Variants in IL1RAP observed in about 807,000 individuals in gnomAD.
IL1RAP encodes the protein interleukin 1 receptor accessory protein, also known as interleukin-1 receptor accessory protein.
IL1RAP carries 35 observed loss-of-function variants against 60.7 expected under a neutral mutation model. The observed-to-expected ratio is 0.58, with a 90% confidence interval of 0.44 to 0.76. The LOEUF is 0.76. Among genes scored for constraint, IL1RAP ranks in the 30% least tolerant of loss-of-function variants. The pLI is 0.00. For missense variants in IL1RAP, 572 were observed against 693.9 expected, an observed-to-expected ratio of 0.82 and a Z score of 1.97; for synonymous variants, 268 against 250.9, an observed-to-expected ratio of 1.07 and a Z score of -0.64.
At chr3:190,656,211 T>C (rs1475205730), downstream of IL1RAP, 1 of 1,537,100 alleles carries the variant, frequency 6.5e-7, no homozygotes, top group Non-Finnish European at 8.7e-7. Flanking sequence ...CTGGCTGGAA[T>C]GAGAGCTGCT....
At chr3:190,526,616 T>C (rs1722533690) in intron 1 of IL1RAP, among the ~76,000 whole-genome samples, 1 of 152,208 alleles carries the variant, frequency 6.6e-6, no homozygotes, top group South Asian at 2.1e-4. Flanking sequence ...TCTTTCTTCA[T>C]CTATGTTGTT....
chr3:190,564,304 G>A lies in IL1RAP; in HGVS notation c.15G>A (p.Trp5Ter). Residue 5 changes from tryptophan to a stop codon, truncating the protein, a stop_gained, in exon 3 of 12, where the codon TGG becomes TGA. Coordinates refer to ENST00000447382, the MANE Select transcript of IL1RAP (RefSeq NM_002182.4). LOFTEE classifies it high-confidence loss of function. MTLL[W>*]CVVSLYFYGI... ...ATGGTTACAGGATGACACTTCTGTG[G>A]TGTGTAGTGAGTCTCTACTTTTATG... The A allele has an allele frequency of 6.2e-7, 1 of 1,610,178 alleles. No homozygotes were observed. Among genetic ancestry groups the A allele is most frequent in the Non-Finnish European group, 8.5e-7 (1 of 1,176,572 alleles).
At chr3:190,618,243 T>C (rs1731451989) in intron 5 of IL1RAP, among the ~76,000 whole-genome samples, 1 of 152,232 alleles carries the variant, frequency 6.6e-6, no homozygotes, top group South Asian at 2.1e-4. Context: ...GGTATGACAT[T>C]GACAGTTACT....
chr3:190,521,178 A>G (rs981595160), intron 1 of IL1RAP, among the ~76,000 whole-genome samples: 15 of 152,204 alleles, frequency 9.9e-5, no homozygotes, highest in African/African-American at 2.7e-4. Context: ...TTGCATGCCC[A>G]GATGGATACT....
Position 190,567,084 on chromosome 3 carries a change from A to C in IL1RAP, c.64+2731A>C, listed in dbSNP as rs577544476. On this transcript the variant is annotated intron_variant, in intron 3 of 11. Transcript: ENST00000447382. The stretch of plus-strand genomic sequence containing the variant: ...TTTAAGAGAATCCTCAAATATAAAA[A>C]AGAAACCATAAAAGCATAAGAACTT... Among the ~76,000 whole-genome samples the C allele has an allele frequency of 1.6e-4, 25 of 152,352 alleles. 1 individual carries two copies. In the South Asian group the frequency reaches 2.3e-3, roughly 14 times the overall value.
chr3:190,638,076 G>A (rs1213459285), intron 9 of IL1RAP, among the ~76,000 whole-genome samples: 2 of 151,816 alleles, frequency 1.3e-5, no homozygotes, highest in Non-Finnish European at 2.9e-5. Context: ...ATCAGTTTTG[G>A]GGTCTTTTGA....
chr3:190,653,633 A>C (rs772761352), downstream of IL1RAP, among the ~76,000 whole-genome samples: 1 of 152,184 alleles, frequency 6.6e-6, no homozygotes, highest in Non-Finnish European at 1.5e-5. Flanking sequence ...TTTTACAGGC[A>C]AGAGTATTCT....
chr3:190,630,048 C>T, intron 9 of IL1RAP: 1 of 796,434 alleles, frequency 1.3e-6, no homozygotes, highest in East Asian at 1.3e-4. Context: ...TTGTATGCAA[C>T]TAATTAAGGT....
chr3:190,571,452 G>C (rs1038985252), intron 3 of IL1RAP, among the ~76,000 whole-genome samples: 1 of 152,068 alleles, frequency 6.6e-6, no homozygotes, highest in Non-Finnish European at 1.5e-5. Context: ...GCCGGTAAAG[G>C]CTAAAATGAG....
intron 10 of IL1RAP, among the ~76,000 whole-genome samples, chr3:190,645,418 T>C (rs1404524155): frequency 1.3e-5 from 2 of 152,202 alleles, no homozygotes; most frequent in Non-Finnish European, 2.9e-5. Flanking sequence ...GTACCTATGA[T>C]TTACCTTCTG....
At chr3:190,564,447 T>C in intron 3 of IL1RAP, 94 bp downstream of exon 3, 1 of 812,370 alleles carries the variant, frequency 1.2e-6, no homozygotes, top group Non-Finnish European at 2.2e-6. Flanking sequence ...ATAAACATAA[T>C]GTTATTCATG....
At chr3:190,580,741 A>C (rs1245864098) in intron 3 of IL1RAP, among the ~76,000 whole-genome samples, 2 of 152,204 alleles carry the variant, frequency 1.3e-5, no homozygotes, top group Non-Finnish European at 2.9e-5. Flanking sequence ...GCCTATGGTT[A>C]ACAATTCTGT....
chr3:190,564,159 A>C, intron 2 of IL1RAP, 130 bp from the exon 3 acceptor site: 2 of 623,774 alleles, frequency 3.2e-6, no homozygotes, highest in Non-Finnish European at 5.9e-6. Flanking sequence ...TGACAATGAA[A>C]TTTGTTAATA....
At chr3:190,656,873 A>G (rs1577841810) in exon 12 of IL1RAP, 1 of 350,286 alleles carries the variant, frequency 2.9e-6, no homozygotes. Flanking sequence ...CTGATCCTCT[A>G]TCTTGTCCAA....
chr3:190,559,828 T>C (rs1176533298), intron 2 of IL1RAP, among the ~76,000 whole-genome samples: 2 of 152,212 alleles, frequency 1.3e-5, no homozygotes, highest in Non-Finnish European at 2.9e-5. Context: ...AAGAATGCCT[T>C]ATTTTTTACT....
rs778709553 is a variant in IL1RAP at position 190,620,461 on chromosome 3, G to A, written c.703+21G>A. 3.1e-6 allele frequency: 5 copies of A among 1,588,404 alleles called. No homozygotes were observed. The South Asian group carries it at 5.7e-5, about 18-fold the overall frequency. On this transcript the variant is annotated intron_variant, in intron 6 of 11. Transcript: ENST00000447382. ...AGTAGGTAAGCATGATTAGTGTCCA[G>A]TACACACAACAAGCATGTGATCATC... is the stretch of plus-strand genomic sequence containing the variant.
chr3:190,549,237 T>G (rs1373086034), intron 1 of IL1RAP, among the ~76,000 whole-genome samples: 1 of 152,174 alleles, frequency 6.6e-6, no homozygotes, highest in Non-Finnish European at 1.5e-5. Flanking sequence ...TGTGAACCTC[T>G]GTAGCTCCAC....
intron 1 of IL1RAP, among the ~76,000 whole-genome samples, chr3:190,553,002 A>C (rs1485159107): frequency 1.3e-5 from 2 of 152,242 alleles, no homozygotes; most frequent in Non-Finnish European, 2.9e-5. Context: ...GCTCAGAGCA[A>C]GGAAAATCCA....
intron 2 of IL1RAP, 159 bp from the exon 3 acceptor site, chr3:190,564,130 C>A: frequency 5.3e-6 from 3 of 563,364 alleles, no homozygotes; most frequent in South Asian, 2.5e-5. Flanking sequence ...AAAATAAAAC[C>A]TGTCTTATTG....
Sources: allele counts gnomAD v4.1 joint callset (sites outside exome capture counted in the v4.1 genomes callset), GRCh38; gene constraint gnomAD v4.1.1; transcripts MANE v1.5; gene names NCBI Gene and HGNC (gene_info 2026-07-23, HGNC 2026-07-21).